The following ZNF700 variants were observed in gnomAD, a reference collection of about 807,000 sequenced individuals.
ZNF700 encodes zinc finger protein 700.
In ZNF700, 38 loss-of-function variants were observed where a neutral mutation model predicts 65.3. The observed-to-expected ratio is 0.58, with a 90% CI of 0.45 to 0.76. The LOEUF (loss-of-function observed/expected upper bound fraction) is 0.76, where lower values mean the gene tolerates loss of function less well. Among genes scored for constraint, ZNF700 ranks in the 30% least tolerant of loss-of-function variants. The probability of loss-of-function intolerance (pLI) is 0.00; values close to 1 mark genes in which losing one functional copy is unlikely to be tolerated. For missense variants in ZNF700, 857 were observed against 888.4 expected (o/e 0.96, Z 0.45); for synonymous variants, 285 against 290.4 (o/e 0.98, Z 0.19).
chr19:11,936,683 T>C (rs985696250), intron 1 of ZNF700, among the ~76,000 whole-genome samples: 19 of 152,212 alleles, frequency 1.2e-4, no homozygotes, highest in African/African-American at 4.6e-4. Context: ...GCAGAAGCTC[T>C]TTAGTTTAAT....
rs979245703 is a variant in ZNF700, at chr19:11,949,244, A to G, written c.1220A>G (p.Tyr407Cys). 5.6e-6 allele frequency: 9 copies of G among 1,613,860 alleles called. No individual in the cohort carries two copies. Among genetic ancestry groups the G allele is most frequent in the Non-Finnish European group, 6.8e-6 (8 of 1,179,958 alleles). ...TTCAATCTTTCCAGTTCCTTTCGATATCATGAAAGGATTCACACTGGAGAG... is the reference window on the plus strand; with the variant it reads ...TTCAATCTTTCCAGTTCCTTTCGATGTCATGAAAGGATTCACACTGGAGAG... ...KAFNLSSSFR[Y>C]HERIHTGEKP... is the part of the protein sequence containing the mutation. Residue 407 changes from tyrosine (Y) to cysteine (C), a missense_variant, in exon 4 of 4, where the codon TAT (tyrosine) becomes TGT (cysteine). Physicochemically the swap from Tyr to Cys is radical, Grantham distance 194. Transcript: ENST00000254321.
intron 1 of ZNF700, among the ~76,000 whole-genome samples, chr19:11,926,875 A>G (rs763505704): frequency 1.1e-4 from 16 of 152,162 alleles, no homozygotes; most frequent in Non-Finnish European, 2.2e-4. Context: ...GAAGGATAGC[A>G]GTGGCCCATT....
In ZNF700 at chr19:11,949,948, C is replaced by G. The variant is rs781579318; in HGVS notation, c.1924C>G (p.His642Asp). ...AAACCTTCAGATGCATGAAAGGACT[C>G]ACACTGGAGAGAAACCCTATGAATG... ...ASNLQMHERT[H>D]TGEKPYECKE... The change falls in exon 4 of 4, where the codon CAC becomes GAC. Residue 642 changes from histidine to aspartate, a missense_variant. Around this residue, in one of 3 missense-constraint regions of ZNF700, gnomAD observed 251 missense variants for 250.3 expected, o/e 1.00. Transcript: ENST00000254321. 12 of 1,614,120 alleles carry G rather than the reference C, an allele frequency of 7.4e-6. No individual in the cohort carries two copies. The highest frequency in any genetic ancestry group is 1.0e-5 in the Non-Finnish European group (12 of 1,180,008).
intron 1 of ZNF700, among the ~76,000 whole-genome samples, chr19:11,946,047 G>A (rs1405720187): frequency 6.6e-6 from 1 of 152,170 alleles, no homozygotes; most frequent in Non-Finnish European, 1.5e-5. Flanking sequence ...CCTTGTCCCT[G>A]ACTGTCATCC....
chr19:11,934,957 G>T (rs1162620931), intron 1 of ZNF700, among the ~76,000 whole-genome samples: 1 of 147,216 alleles, frequency 6.8e-6, no homozygotes, highest in Non-Finnish European at 1.5e-5. Flanking sequence ...AAGGCGGGTG[G>T]ATCAGGAGGT....
chr19:11,929,843 AT>A (rs1972687310), intron 1 of ZNF700, among the ~76,000 whole-genome samples: 1 of 148,166 alleles, frequency 6.7e-6, no homozygotes, highest in Non-Finnish European at 1.5e-5. Context: ...ACCACTAGAC[AT>A]TTGCCTGAAA....
Position 11,931,143 on chromosome 19 carries a change from T to C in ZNF700, c.63+5870T>C, listed in dbSNP as rs543123806. 1.8e-4 allele frequency among the ~76,000 whole-genome samples: 27 copies of C among 148,430 alleles called. 4 individuals carry two copies. The highest frequency in any genetic ancestry group is 7.1e-4 in the African/African-American group (27 of 38,084). The stretch of plus-strand genomic sequence containing the variant: ...CAGTGTGTAGTAGGGATAGTGCCTC[T>C]CTATCTTAGTCATCTTGGGCTGCTA... On this transcript the variant is annotated intron_variant, in intron 1 of 3. Coordinates refer to ENST00000254321, the MANE Select transcript of ZNF700 (RefSeq NM_144566.3).
chr19:11,941,934 A>G (rs1007508371), intron 1 of ZNF700, among the ~76,000 whole-genome samples: 1 of 151,952 alleles, frequency 6.6e-6, no homozygotes, highest in Non-Finnish European at 1.5e-5. Context: ...ATTGCTCATT[A>G]CTGCCACCCC....
At position 11,949,416 on chromosome 19, in the gene ZNF700, T is replaced by C. The variant is rs1419181598; in HGVS notation, c.1392T>C (p.His464=). Residue 464 remains histidine, a synonymous_variant, in exon 4 of 4, where the codon CAT becomes CAC. Coordinates refer to ENST00000254321, the MANE Select transcript of ZNF700 (RefSeq NM_144566.3). ...AFRSTSHLRV[H]GRTHTGEKPY... ...GATCTACCTCACACCTTCGAGTGCA[T>C]GGTAGGACTCATACTGGAGAGAAAC... 2 of 1,613,218 alleles carry C rather than the reference T, an allele frequency of 1.2e-6. No individual in the cohort carries two copies. The highest frequency in any genetic ancestry group is 1.7e-5 in the Admixed American group (1 of 59,872).
At position 11,950,046 on chromosome 19, in the gene ZNF700, G is replaced by A. The variant is rs751916508; in HGVS notation, c.2022G>A (p.Lys674=). The stretch of plus-strand genomic sequence containing the variant: ...ATGAAAGGAAGCACAGAGGAGAGAA[G>A]CCCTATGAATGTAAGCATTGTGGGA... ...QIHERKHRGE[K]PYECKHCGNG... is the part of the protein sequence containing the mutation. The change falls in exon 4 of 4, where the codon AAG becomes AAA. Residue 674 remains lysine, a synonymous_variant. Coordinates refer to ENST00000254321, the MANE Select transcript of ZNF700 (RefSeq NM_144566.3). The A allele has an allele frequency of 8.1e-6, 13 of 1,613,946 alleles. No individual in the cohort carries two copies. In the African/African-American group the frequency reaches 1.6e-4, roughly 20 times the overall value.
intron 1 of ZNF700, chr19:11,946,892 C>T (rs191424589): frequency 1.8e-5 from 7 of 381,854 alleles, no homozygotes; most frequent in East Asian, 1.3e-4. Flanking sequence ...CCCAGCTACT[C>T]GGGAGGCTGA....
intron 1 of ZNF700, among the ~76,000 whole-genome samples, chr19:11,941,600 G>A (rs182564657): frequency 1.8e-4 from 27 of 152,284 alleles, no homozygotes; most frequent in Admixed American, 2.6e-4. Context: ...GTGCGGGGCC[G>A]CCAAGCCCAC....
Position 11,949,570 on chromosome 19 carries a change from G to T in ZNF700, c.1546G>T (p.Gly516Cys). The change falls in exon 4 of 4, where the codon GGC becomes TGC. Residue 516 changes from glycine (G) to cysteine (C), a missense_variant. By Grantham distance (159) the Gly-to-Cys change is radical. Coordinates refer to ENST00000254321, the MANE Select transcript of ZNF700 (RefSeq NM_144566.3). The part of the protein sequence containing the change: ...RPYKCSICEK[G>C]FYSAKSFQTH... The stretch of plus-strand genomic sequence containing the variant: ...TTATAAATGTAGTATATGTGAGAAA[G>T]GCTTTTATTCTGCCAAGTCATTTCA... 6.2e-7 allele frequency: 1 copy of T among 1,612,084 alleles called. No individual in the cohort carries two copies. The highest frequency in any genetic ancestry group is 1.1e-5 in the South Asian group (1 of 90,758).
At chr19:11,927,412 C>T (rs1189951289) in intron 1 of ZNF700, among the ~76,000 whole-genome samples, 1 of 143,758 alleles carries the variant, frequency 7.0e-6, no homozygotes, top group African/African-American at 2.7e-5. Context: ...CAGCGAGACC[C>T]TGTCTCTATT....
chr19:11,936,565 T>C (rs1224830598), intron 1 of ZNF700, among the ~76,000 whole-genome samples: 1 of 152,230 alleles, frequency 6.6e-6, no homozygotes, highest in Non-Finnish European at 1.5e-5. Context: ...TTTGTTTGAG[T>C]TCCTTGTAGA....
rs750423524 is a variant in ZNF700, at chr19:11,932,635, A to ATTT, written c.63+7380_63+7382dup. Among the ~76,000 whole-genome samples, 53 of 116,832 alleles carry ATTT rather than the reference A, an allele frequency of 4.5e-4. 3 individuals are homozygous for ATTT. The highest frequency in any genetic ancestry group is 1.2e-3 in the Admixed American group (14 of 11,510). 76.6% of individuals were successfully genotyped at this position (116,832 alleles called of 152,430 possible). ...TGTTTTTTATGCAAACCAATATGTG[A>ATTT]TTTTTTTTTTTTTTTTTTTTGAGAC... On this transcript the variant is annotated intron_variant, in intron 1 of 3. Transcript: ENST00000254321.
chr19:11,946,884 CAGCT>C, intron 1 of ZNF700: 2 of 349,914 alleles, frequency 5.7e-6, no homozygotes, highest in Non-Finnish European at 9.8e-6. Flanking sequence ...CCTATAATCC[CAGCT>C]ACTCGGGAGG....
chr19:11,936,464 C>G (rs1364635606), intron 1 of ZNF700, among the ~76,000 whole-genome samples: 1 of 152,202 alleles, frequency 6.6e-6, no homozygotes, highest in African/African-American at 2.4e-5. Flanking sequence ...TTTCATGTGT[C>G]TGTTGGCTGC....
intron 1 of ZNF700, among the ~76,000 whole-genome samples, chr19:11,945,424 T>C (rs577919548): frequency 6.6e-6 from 1 of 152,334 alleles, no homozygotes; most frequent in African/African-American, 2.4e-5. Context: ...TCTTGGTCCC[T>C]GGCTTGGGAA....
Sources: allele counts gnomAD v4.1 joint callset (sites outside exome capture counted in the v4.1 genomes callset), GRCh38; gene constraint gnomAD v4.1.1; regional missense constraint gnomAD v4.1.1; transcripts MANE v1.5; gene names NCBI Gene and HGNC (gene_info 2026-07-23, HGNC 2026-07-21).